Variants in DGKB observed in about 807,000 individuals in gnomAD.
DGKB encodes 90 kDa diacylglycerol kinase.
In DGKB, 67 loss-of-function variants were observed where a neutral mutation model predicts 114.3. That is an observed-to-expected ratio of 0.59 (90% CI 0.48 to 0.72). The LOEUF (loss-of-function observed/expected upper bound fraction) is 0.72. DGKB is among the 30% of genes least tolerant of loss of function. The pLI is 0.00. For missense variants in DGKB, 907 were observed against 975.2 expected (o/e 0.93, Z 0.93); for synonymous variants, 398 against 323.1 (o/e 1.23, Z -2.49).
chr7:14,382,513 G>C (rs945817074), intron 21 of DGKB, among the ~76,000 whole-genome samples: 2 of 151,804 alleles, frequency 1.3e-5, no homozygotes, highest in Non-Finnish European at 2.9e-5. Context: ...ACTATAGTTT[G>C]CCTTATGGAA....
intron 21 of DGKB, among the ~76,000 whole-genome samples, chr7:14,381,859 T>G (rs1819533219): frequency 6.6e-6 from 1 of 152,184 alleles, no homozygotes; most frequent in Admixed American, 6.5e-5. Flanking sequence ...GTAATGATAT[T>G]TGCTACAGTT....
At chr7:14,465,749 T>C (rs969207891) in intron 21 of DGKB, among the ~76,000 whole-genome samples, 1 of 152,058 alleles carries the variant, frequency 6.6e-6, no homozygotes. Flanking sequence ...ATTATAAATA[T>C]CTGGGGGAAA....
intron 9 of DGKB, among the ~76,000 whole-genome samples, chr7:14,690,151 T>C (rs1409751793): frequency 1.3e-5 from 2 of 152,216 alleles, no homozygotes; most frequent in Non-Finnish European, 2.9e-5. Context: ...AAAAATTAAA[T>C]GACGATCCAA....
intron 2 of DGKB, among the ~76,000 whole-genome samples, chr7:14,789,996 T>A (rs1161241220): frequency 1.6e-4 from 24 of 152,194 alleles, no homozygotes; most frequent in Admixed American, 1.4e-3. Context: ...AATAGCTGAA[T>A]AATGATATCT....
chr7:14,340,912 A>C (rs1262602857), intron 22 of DGKB, among the ~76,000 whole-genome samples: 1 of 151,818 alleles, frequency 6.6e-6, no homozygotes, highest in Non-Finnish European at 1.5e-5. Context: ...CACTGTGACA[A>C]GTTACTTTCA....
intron 2 of DGKB, among the ~76,000 whole-genome samples, chr7:14,829,485 G>C (rs1450050618): frequency 6.6e-6 from 1 of 152,108 alleles, no homozygotes; most frequent in Non-Finnish European, 1.5e-5. Context: ...GAAACTAGAA[G>C]GGAGGAGGAA....
At chr7:14,363,059 A>T (rs974482957) in intron 21 of DGKB, among the ~76,000 whole-genome samples, 1 of 152,132 alleles carries the variant, frequency 6.6e-6, no homozygotes, top group Non-Finnish European at 1.5e-5. Flanking sequence ...CATGTTAATA[A>T]GCCCAGGATG....
chr7:14,858,537 G>T (rs780296814), intron 1 of DGKB, among the ~76,000 whole-genome samples: 1 of 152,140 alleles, frequency 6.6e-6, no homozygotes, highest in Non-Finnish European at 1.5e-5. Flanking sequence ...TGTGGAGCAG[G>T]AACAAACAAG....
intron 20 of DGKB, among the ~76,000 whole-genome samples, chr7:14,548,362 A>C (rs1459949454): frequency 1.3e-5 from 2 of 152,230 alleles, no homozygotes; most frequent in Non-Finnish European, 2.9e-5. Context: ...GATATGCAAC[A>C]GTTAATACGG....
At position 14,329,089 on chromosome 7, in the gene DGKB, T is replaced by G. The variant is rs191099577; in HGVS notation, c.2122+9426A>C. Among the ~76,000 whole-genome samples, 167 of 152,036 alleles carry G rather than the reference T, an allele frequency of 1.1e-3. 1 individual carries two copies. The highest frequency in any genetic ancestry group is 1.9e-3 in the Non-Finnish European group (128 of 67,874). ...AGCTACTATTCACATGATAATTAGCTCTATATAATAAAAGAGTATATTCAT... is the reference window on the plus strand; with the variant it reads ...AGCTACTATTCACATGATAATTAGCGCTATATAATAAAAGAGTATATTCAT... On this transcript the variant is annotated intron_variant, in intron 23 of 25. Coordinates refer to ENST00000402815, the MANE Select transcript of DGKB (RefSeq NM_001350709.2).
In DGKB at chr7:14,943,494, T is replaced by C. The variant is rs1785688259; in HGVS notation, c.-188+31202A>G. 2.0e-5 allele frequency among the ~76,000 whole-genome samples: 3 copies of C among 152,084 alleles called. No homozygotes were observed. The South Asian group carries it at 6.2e-4, about 31-fold the overall frequency. ...TAAACAGACAATTCTGAGAAGAAAT[T>C]GTCCTCATTATTTTTATTGTTCTAG... On this transcript the variant is annotated intron_variant, in intron 1 of 4. Transcript: ENST00000437998.
intron 2 of DGKB, among the ~76,000 whole-genome samples, chr7:14,759,379 A>G (rs1375931052): frequency 6.6e-6 from 1 of 152,166 alleles, no homozygotes; most frequent in Non-Finnish European, 1.5e-5. Flanking sequence ...CACCCTGTAA[A>G]GAAACCTTAT....
intron 6 of DGKB, among the ~76,000 whole-genome samples, chr7:14,716,107 T>C (rs911362145): frequency 3.3e-5 from 5 of 152,146 alleles, no homozygotes; most frequent in Non-Finnish European, 5.9e-5. Flanking sequence ...ACCTAACAAA[T>C]ACTGCCACTA....
intron 2 of DGKB, among the ~76,000 whole-genome samples, chr7:14,790,501 GTT>G (rs1383592952): frequency 2.0e-4 from 13 of 64,214 alleles, no homozygotes; most frequent in Non-Finnish European, 2.9e-4. Context: ...CATTTTTTTT[GTT>G]GTTGTTGGCT....
chr7:14,748,326 A>G (rs1455281495), intron 4 of DGKB, among the ~76,000 whole-genome samples: 1 of 152,240 alleles, frequency 6.6e-6, no homozygotes, highest in Non-Finnish European at 1.5e-5. Context: ...TAAAGAAGAA[A>G]AAGATTTCTT....
At chr7:14,664,281 T>C (rs2128930534) in intron 13 of DGKB, among the ~76,000 whole-genome samples, 1 of 152,038 alleles carries the variant, frequency 6.6e-6, no homozygotes, top group Non-Finnish European at 1.5e-5. Context: ...TCTGCTACAG[T>C]TTTCTCTCCT....
At position 14,730,944 on chromosome 7, in the gene DGKB, T is replaced by C. The variant is rs186024517; in HGVS notation, c.322+5097A>G. 1.8e-3 allele frequency among the ~76,000 whole-genome samples: 280 copies of C among 152,292 alleles called. 1 individual carries two copies. Among genetic ancestry groups the C allele is most frequent in the African/African-American group, 6.5e-3 (271 of 41,564 alleles). ...AGGAGTAATATAATCAGGCTTCTGT[T>C]TGAAAGAACGTTTTGGAGATGGGAA... On this transcript the variant is annotated intron_variant, in intron 5 of 25. Transcript: ENST00000402815.
intron 21 of DGKB, among the ~76,000 whole-genome samples, chr7:14,405,716 A>C (rs1276447604): frequency 6.6e-6 from 1 of 152,042 alleles, no homozygotes; most frequent in African/African-American, 2.4e-5. Flanking sequence ...CATGAAACAA[A>C]AGGACTTTGT....
chr7:14,935,707 C>T (rs1785239030), intron 1 of DGKB, among the ~76,000 whole-genome samples: 1 of 152,004 alleles, frequency 6.6e-6, no homozygotes, highest in African/African-American at 2.4e-5. Flanking sequence ...GCAAGTAACA[C>T]TTTCTCCTCT....
Sources: gnomAD v4.1 joint callset for allele counts (sites outside exome capture counted in the v4.1 genomes callset) on GRCh38, gnomAD v4.1.1 for gene constraint, MANE v1.5 for transcripts, NCBI Gene and HGNC (gene_info 2026-07-23, HGNC 2026-07-21) for gene names.